PLEKHG4B: variants seen among roughly 807,000 people sequenced by gnomAD.
PLEKHG4B encodes the protein pleckstrin homology domain-containing family G member 4B.
In PLEKHG4B, 111 loss-of-function variants were observed where a neutral mutation model predicts 121.3. The observed-to-expected ratio is 0.92, with a 90% CI of 0.78 to 1.07. The LOEUF (loss-of-function observed/expected upper bound fraction) is 1.07. Ranked by LOEUF, PLEKHG4B falls within the 50% of genes least tolerant of loss-of-function variation. The pLI, the probability that PLEKHG4B is intolerant of heterozygous loss-of-function variation, is 0.00. For synonymous variants in PLEKHG4B, 738 were observed against 725.0 expected, an observed-to-expected ratio of 1.02 and a Z score of -0.29; for missense variants, 1,831 against 1,757.8, an observed-to-expected ratio of 1.04 and a Z score of -0.74.
intron 16 of PLEKHG4B, 103 bp from the exon 17 acceptor site, chr5:172,794 C>T: frequency 1.5e-6 from 2 of 1,321,658 alleles, no homozygotes; most frequent in Admixed American, 1.7e-5. Flanking sequence ...GGCTGCTGTT[C>T]CGTCTTGTCA....
At chr5:112,989 A>G (rs1393479417) in intron 1 of PLEKHG4B, among the ~76,000 whole-genome samples, 1 of 152,180 alleles carries the variant, frequency 6.6e-6, no homozygotes, top group Non-Finnish European at 1.5e-5. Context: ...GGTGGTATAT[A>G]GAGCCCCTGC....
chr5:132,634 A>G (rs1442267653), intron 2 of PLEKHG4B, among the ~76,000 whole-genome samples: 3 of 152,146 alleles, frequency 2.0e-5, no homozygotes, highest in Non-Finnish European at 4.4e-5. Flanking sequence ...TCCCAGCACT[A>G]TCTGTTGAAT....
In PLEKHG4B at chr5:185,165, T is replaced by C. The variant is rs927784870; in HGVS notation, c.*2842T>C. On this transcript the variant is annotated 3_prime_UTR_variant, in exon 20 of 20. Transcript: ENST00000637938. ...GTAGAGAAAGAGGGAAAGGGAAGAATGGACTTGGGGGCGACACAGAAGACA... is the reference window on the plus strand; with the variant it reads ...GTAGAGAAAGAGGGAAAGGGAAGAACGGACTTGGGGGCGACACAGAAGACA... The C allele has an allele frequency of 2.0e-5, 3 of 151,706 alleles. No homozygotes were observed. The highest frequency in any genetic ancestry group is 1.3e-4 in the Admixed American group (2 of 15,224). 9.4% of individuals were successfully genotyped at this position (151,706 alleles called of 1,614,324 possible). A position where few individuals can be genotyped will look rare whatever the true frequency, so the allele number is the denominator to read the frequency against.
At chr5:108,844 A>G (rs1456201276) in intron 1 of PLEKHG4B, among the ~76,000 whole-genome samples, 1 of 152,210 alleles carries the variant, frequency 6.6e-6, no homozygotes, top group African/African-American at 2.4e-5. Flanking sequence ...GGCTTCCTAG[A>G]CAGGTTTTGA....
rs140989665 is a variant in PLEKHG4B, at chr5:171,434, G to T, written c.4040G>T (p.Arg1347Leu). ...GACCTGCTGGCCATGGACGCCATCC[G>T]CGGCTGTGACGTAAGTGCCTCAGAC... The part of the protein sequence containing the change: ...GNDLLAMDAI[R>L]GCDVNLKEQG... Residue 1347 changes from arginine to leucine, a missense_variant, in exon 16 of 20, where the codon CGC (arginine) becomes CTC (leucine). Physicochemically the swap from Arg to Leu is moderately radical, Grantham distance 102. Coordinates refer to ENST00000637938, the MANE Select transcript of PLEKHG4B (RefSeq NM_052909.5). 1 of 1,595,362 alleles carries T rather than the reference G, an allele frequency of 6.3e-7. No individual in the cohort carries two copies. Among genetic ancestry groups the T allele is most frequent in the Middle Eastern group, 1.7e-4 (1 of 5,942 alleles).
intron 2 of PLEKHG4B, among the ~76,000 whole-genome samples, chr5:118,742 C>T (rs938288322): frequency 6.6e-6 from 1 of 151,976 alleles, no homozygotes; most frequent in Non-Finnish European, 1.5e-5. Flanking sequence ...GTAATAATAC[C>T]TCTCAGTAGT....
chr5:140,050 A>G lies in PLEKHG4B; in HGVS notation c.811A>G (p.Arg271Gly). ...GCTCAGGCACCTTCCTTATCCAGAA[A>G]GAGCCGAGCTGGGAAGCCCCAGGAC... ...DQLRHLPYPE[R>G]AELGSPRTLS... is the part of the protein sequence containing the mutation. Residue 271 changes from arginine (R) to glycine (G), a missense_variant, in exon 3 of 20, where the codon AGA becomes GGA. Arg to Gly is a moderately radical substitution (Grantham distance 125). Coordinates refer to ENST00000637938, the MANE Select transcript of PLEKHG4B (RefSeq NM_052909.5). 1 of 434,254 alleles carries G rather than the reference A, an allele frequency of 2.3e-6. No homozygotes were observed. The highest frequency in any genetic ancestry group is 4.0e-6 in the Non-Finnish European group (1 of 247,256). 26.9% of individuals were successfully genotyped at this position (434,254 alleles called of 1,614,324 possible).
At chr5:129,669 A>G (rs927489613) in intron 2 of PLEKHG4B, among the ~76,000 whole-genome samples, 2 of 152,238 alleles carry the variant, frequency 1.3e-5, no homozygotes, top group Admixed American at 6.5e-5. Flanking sequence ...ACAAGGGTCA[A>G]TGAGAGCTAC....
rs749423707 is a variant in PLEKHG4B at position 182,051 on chromosome 5, G to A, written c.4612G>A (p.Ala1538Thr). Reference sequence around the variant, plus strand: ...AGCGGTGTCCTCCTCTGACCACGCCGCCCCCTTCAAGCGACCACACTCCAC... The same window carrying A: ...AGCGGTGTCCTCCTCTGACCACGCCACCCCCTTCAAGCGACCACACTCCAC... Reference protein sequence around the residue: ...STAVSSSDHAAPFKRPHSTIS... With the variant: ...STAVSSSDHATPFKRPHSTIS... Residue 1538 changes from alanine to threonine, a missense_variant, in exon 20 of 20, where the codon GCC (alanine) becomes ACC (threonine). Physicochemically the swap from Ala to Thr is moderately conservative, Grantham distance 58. Transcript: ENST00000637938. 2.0e-5 allele frequency: 33 copies of A among 1,613,914 alleles called. No homozygotes were observed. The highest frequency in any genetic ancestry group is 3.3e-5 in the Admixed American group (2 of 59,998).
Position 140,727 on chromosome 5 carries a change from C to T in PLEKHG4B, c.1477+11C>T. On this transcript the variant is annotated intron_variant, in intron 3 of 19. Coordinates refer to ENST00000637938, the MANE Select transcript of PLEKHG4B (RefSeq NM_052909.5). ...GCACCAAAGAGGAAGGTAAATGCTC[C>T]CCACGCCCTCCCCTGCGCACCCCCA... 2 of 1,541,720 alleles carry T rather than the reference C, an allele frequency of 1.3e-6. No homozygotes were observed. Among genetic ancestry groups the T allele is most frequent in the Non-Finnish European group, 1.7e-6 (2 of 1,145,170 alleles).
At position 163,430 on chromosome 5, in the gene PLEKHG4B, G is replaced by A; in HGVS notation, c.3358G>A (p.Glu1120Lys). ...GLEVTSTVATEKKLPLWQHAR... is the reference protein window; with the variant it reads ...GLEVTSTVATKKKLPLWQHAR... Reference sequence around the variant, plus strand: ...GGAGGTAACCAGCACTGTAGCCACAGAGAAGAAGCTCCCGCTGTGGCAGCA... The same window carrying A: ...GGAGGTAACCAGCACTGTAGCCACAAAGAAGAAGCTCCCGCTGTGGCAGCA... The change falls in exon 13 of 20, where the codon GAG becomes AAG. Residue 1120 changes from glutamate to lysine, a missense_variant. By Grantham distance (56) the Glu-to-Lys change is moderately conservative. Coordinates refer to ENST00000637938, the MANE Select transcript of PLEKHG4B (RefSeq NM_052909.5). 6.2e-7 allele frequency: 1 copy of A among 1,613,032 alleles called. No homozygotes were observed. The highest frequency in any genetic ancestry group is 1.1e-5 in the South Asian group (1 of 91,090).
In PLEKHG4B at chr5:158,192, C is replaced by T. The variant is rs116117592; in HGVS notation, c.2487+1281C>T. 6.0e-3 allele frequency among the ~76,000 whole-genome samples: 906 copies of T among 150,982 alleles called. 11 individuals are homozygous for T. The highest frequency in any genetic ancestry group is 0.021 in the African/African-American group (848 of 41,026). On this transcript the variant is annotated intron_variant, in intron 11 of 19. Transcript: ENST00000637938. ...CTCTGCTCTATCCTGGCTCCATCTC[C>T]CCTCCTCCCCCTGCCCATCCTGGGG...
intron 5 of PLEKHG4B, chr5:144,184 C>T (rs1735327350): frequency 6.6e-6 from 1 of 152,462 alleles, no homozygotes; most frequent in Non-Finnish European, 1.5e-5. Context: ...TAACTCACTA[C>T]CTTCAGACCA....
chr5:136,231 T>C (rs1042183514), intron 2 of PLEKHG4B, among the ~76,000 whole-genome samples: 5 of 152,126 alleles, frequency 3.3e-5, no homozygotes, highest in Admixed American at 6.5e-5. Flanking sequence ...GAATAAAACA[T>C]AGACGAAAAG....
rs1344359046 is a variant in PLEKHG4B, at chr5:185,507, C to T, written c.*3184C>T. On this transcript the variant is annotated 3_prime_UTR_variant, in exon 20 of 20. Transcript: ENST00000637938. ...GTATGGACAGCCACCATCACACAGC[C>T]CCAGAGGCCGCCCAGGCTCTAGCCA... is the stretch of plus-strand genomic sequence containing the variant. 3 of 152,240 alleles carry T rather than the reference C, an allele frequency of 2.0e-5. No homozygotes were observed. Among genetic ancestry groups the T allele is most frequent in the African/African-American group, 7.2e-5 (3 of 41,452 alleles). 9.4% of individuals were successfully genotyped at this position (152,240 alleles called of 1,614,324 possible). A position where few individuals can be genotyped will look rare whatever the true frequency, so the allele number is the denominator to read the frequency against.
chr5:98,744 A>C (rs1733703823), intron 1 of PLEKHG4B, among the ~76,000 whole-genome samples: 1 of 142,664 alleles, frequency 7.0e-6, no homozygotes, highest in Non-Finnish European at 1.5e-5. Flanking sequence ...AAGTGCTGGG[A>C]TTACAGGCGT....
chr5:113,281 A>G lies in PLEKHG4B; in HGVS notation c.76A>G (p.Arg26Gly). 1 of 399,098 alleles carries G rather than the reference A, an allele frequency of 2.5e-6. No individual in the cohort carries two copies. The highest frequency in any genetic ancestry group is 1.3e-4 in the South Asian group (1 of 7,860). 24.7% of individuals were successfully genotyped at this position (399,098 alleles called of 1,614,324 possible). A position where few individuals can be genotyped will look rare whatever the true frequency, so the allele number is the denominator to read the frequency against. The change falls in exon 2 of 20, where the codon AGG (arginine) becomes GGG (glycine). Residue 26 changes from arginine (R) to glycine (G), a missense_variant. Physicochemically the swap from Arg to Gly is moderately radical, Grantham distance 125. Transcript: ENST00000637938. This position sits in a 1 kb window ranked among gnomAD's most constrained non-coding sequence, Gnocchi z 5.2. The part of the protein sequence containing the change: ...DLESLDACIQ[R>G]TLSALYPPFE... ...GGAATCTCTTGATGCCTGTATCCAG[A>G]GGACGCTCTCTGCCTTGTACCCACC...
Position 113,312 on chromosome 5 carries a change from AAGCCACGGC to A in PLEKHG4B, c.116_124del (p.Ala39_Thr41del), listed in dbSNP as rs1341779899. 2 of 398,928 alleles carry A rather than the reference AAGCCACGGC, an allele frequency of 5.0e-6. No homozygotes were observed. Among genetic ancestry groups the A allele is most frequent in the African/African-American group, 4.1e-5 (2 of 48,616 alleles). 24.7% of individuals were successfully genotyped at this position (398,928 alleles called of 1,614,324 possible). ...CTCTCTGCCTTGTACCCACCGTTTGAAGCCACGGCAGCCACGGTGCTCTGGCAGCTGTTC... is the reference window on the plus strand; with the variant it reads ...CTCTCTGCCTTGTACCCACCGTTTGAAGCCACGGTGCTCTGGCAGCTGTTC... On this transcript the variant is annotated inframe_deletion, in exon 2 of 20. Coordinates refer to ENST00000637938, the MANE Select transcript of PLEKHG4B (RefSeq NM_052909.5). The surrounding 1 kb of genome is among the most constrained non-coding windows in gnomAD (Gnocchi z 5.2).
intron 2 of PLEKHG4B, among the ~76,000 whole-genome samples, chr5:138,527 CTTTTAAGT>C (rs1735051623): frequency 6.6e-6 from 1 of 152,204 alleles, no homozygotes; most frequent in South Asian, 2.1e-4. Flanking sequence ...GGCAAATGCC[CTTTTAAGT>C]TTTTAGCGCA....
Sources: allele counts gnomAD v4.1 joint callset (sites outside exome capture counted in the v4.1 genomes callset), GRCh38; gene constraint gnomAD v4.1.1; non-coding constraint Gnocchi (gnomAD v3.1); transcripts MANE v1.5; gene names NCBI Gene and HGNC (gene_info 2026-07-23, HGNC 2026-07-21).